STIM1: variants seen among roughly 807,000 people sequenced by gnomAD.
The protein encoded by STIM1 is stromal interaction molecule 1.
A neutral mutation model predicts 74.7 loss-of-function variants in STIM1; 25 were observed. The ratio of observed to expected loss-of-function variants is 0.33; its 90% confidence interval spans 0.24 to 0.47. The LOEUF (loss-of-function observed/expected upper bound fraction) is 0.47. Ranked by LOEUF, STIM1 falls within the 20% of genes least tolerant of loss-of-function variation. The pLI is 1.00. For missense variants in STIM1, 728 were observed against 920.8 expected (o/e 0.79, Z 2.71); for synonymous variants, 328 against 348.8 (o/e 0.94, Z 0.66).
intron 2 of STIM1, among the ~76,000 whole-genome samples, chr11:4,021,999 C>G (rs1243591733): frequency 2.0e-5 from 3 of 151,706 alleles, no homozygotes; most frequent in Admixed American, 1.3e-4. Flanking sequence ...CTAGCTCTAA[C>G]AGTTTTTTGG....
intron 1 of STIM1, among the ~76,000 whole-genome samples, chr11:3,869,828 T>C (rs2091011933): frequency 6.6e-6 from 1 of 152,144 alleles, no homozygotes; most frequent in Non-Finnish European, 1.5e-5. Context: ...TAGGAGACTT[T>C]GCAACTGTTC....
intron 12 of STIM1, 40 bp downstream of exon 12, chr11:4,086,583 G>A (rs752101828): frequency 1.2e-6 from 2 of 1,613,242 alleles, no homozygotes; most frequent in Admixed American, 1.7e-5. Context: ...TGACAAGCCG[G>A]GTATCTCTGC....
At chr11:4,004,273 G>A (rs1346877323) in intron 2 of STIM1, among the ~76,000 whole-genome samples, 5 of 151,938 alleles carry the variant, frequency 3.3e-5, no homozygotes, top group Admixed American at 6.5e-5. Flanking sequence ...AGCCCACATC[G>A]CCAAGTCAAT....
At chr11:4,082,024 C>T (rs1258878290) in intron 7 of STIM1, among the ~76,000 whole-genome samples, 160 bp from the exon 8 acceptor site, 1 of 152,216 alleles carries the variant, frequency 6.6e-6, no homozygotes. Context: ...CTTCGCTGAG[C>T]TTGCTTTCTT....
At chr11:3,977,367 T>C (rs1200171849) in intron 2 of STIM1, among the ~76,000 whole-genome samples, 2 of 152,216 alleles carry the variant, frequency 1.3e-5, no homozygotes, top group Non-Finnish European at 2.9e-5. Context: ...AAGATCTACT[T>C]ATGACTTCTG....
chr11:3,997,324 G>A (rs2093671826), intron 2 of STIM1, among the ~76,000 whole-genome samples: 1 of 152,272 alleles, frequency 6.6e-6, no homozygotes, highest in Non-Finnish European at 1.5e-5. Context: ...CCCTAGTGGT[G>A]GAGATAGCCA....
intron 2 of STIM1, among the ~76,000 whole-genome samples, 185 bp downstream of exon 2, chr11:3,967,867 T>C (rs1036641600): frequency 4.6e-5 from 7 of 152,230 alleles, no homozygotes; most frequent in African/African-American, 1.7e-4. Context: ...TGTCAGAGTG[T>C]AGGCTTTATG....
chr11:3,987,804 G>GACACACACAC (rs55772228), intron 2 of STIM1, among the ~76,000 whole-genome samples: 64 of 145,390 alleles, frequency 4.4e-4, no homozygotes, highest in East Asian at 2.4e-3. Context: ...TGTCCTTAAG[G>GACACACACAC]ACACACACAC....
intron 3 of STIM1, among the ~76,000 whole-genome samples, chr11:4,052,536 T>C (rs2094251686): frequency 6.6e-6 from 1 of 152,244 alleles, no homozygotes; most frequent in Non-Finnish European, 1.5e-5. Context: ...GCTAGCCATA[T>C]GTAGAAAGCT....
At chr11:3,967,326 G>C (rs1395693941) in intron 1 of STIM1, among the ~76,000 whole-genome samples, 1 of 152,152 alleles carries the variant, frequency 6.6e-6, no homozygotes, top group Non-Finnish European at 1.5e-5. Context: ...AGACTTCCCT[G>C]CCAAGAAACT....
chr11:3,904,855 G>T (rs1265689709), intron 1 of STIM1, among the ~76,000 whole-genome samples: 2 of 152,142 alleles, frequency 1.3e-5, no homozygotes, highest in African/African-American at 4.8e-5. Context: ...TGGGGGAGAA[G>T]ACATGAGTTT....
At chr11:4,007,065 A>G (rs2093789305) in intron 2 of STIM1, among the ~76,000 whole-genome samples, 1 of 152,066 alleles carries the variant, frequency 6.6e-6, no homozygotes, top group Admixed American at 6.6e-5. Flanking sequence ...CACTCTCACT[A>G]CTTCACTACT....
At chr11:3,871,901 T>C (rs1408685899) in intron 1 of STIM1, among the ~76,000 whole-genome samples, 1 of 152,238 alleles carries the variant, frequency 6.6e-6, no homozygotes, top group Admixed American at 6.5e-5. Context: ...AGGCATTTAT[T>C]CATACACAAA....
intron 6 of STIM1, 41 bp from the exon 7 acceptor site, chr11:4,074,461 C>A (rs753305870): frequency 1.9e-6 from 3 of 1,611,230 alleles, no homozygotes; most frequent in African/African-American, 2.7e-5. Flanking sequence ...GCTGGCACCC[C>A]CTTGCCTGGC....
At chr11:3,882,018 T>G (rs545486072) in intron 1 of STIM1, among the ~76,000 whole-genome samples, 1 of 152,170 alleles carries the variant, frequency 6.6e-6, no homozygotes, top group African/African-American at 2.4e-5. Context: ...TGTGTCTGGC[T>G]TCTTTCACTT....
chr11:3,881,596 C>G (rs761184153), intron 1 of STIM1, among the ~76,000 whole-genome samples: 3 of 152,196 alleles, frequency 2.0e-5, no homozygotes, highest in Non-Finnish European at 4.4e-5. Context: ...TGGTCTCCAT[C>G]TCCTGACCTC....
At chr11:3,922,728 C>T (rs2092733272) in intron 1 of STIM1, 1 of 192,244 alleles carries the variant, frequency 5.2e-6, no homozygotes, top group Non-Finnish European at 1.1e-5. Context: ...AGGAAAACCT[C>T]CTTTAAGGAT....
chr11:4,041,414 A>G (rs200630652), intron 3 of STIM1, among the ~76,000 whole-genome samples: 4 of 151,326 alleles, frequency 2.6e-5, no homozygotes, highest in African/African-American at 9.7e-5. Context: ...ATTATAGATG[A>G]TTTTTTTTAC....
chr11:4,043,403 T>A (rs574685510), intron 3 of STIM1, among the ~76,000 whole-genome samples: 2 of 152,282 alleles, frequency 1.3e-5, no homozygotes, highest in East Asian at 3.9e-4. Flanking sequence ...TACTTTTTAA[T>A]TTTTTTATAC....
Sources: allele counts gnomAD v4.1 joint callset (sites outside exome capture counted in the v4.1 genomes callset), GRCh38; gene constraint gnomAD v4.1.1; transcripts MANE v1.5; gene names NCBI Gene and HGNC (gene_info 2026-07-23, HGNC 2026-07-21).